The following FRMD4A variants were observed in gnomAD, a reference collection of about 807,000 sequenced individuals.
The protein encoded by FRMD4A is FERM domain-containing protein 4A.
In FRMD4A, 29 loss-of-function variants were observed where a neutral mutation model predicts 129.1. That is an observed-to-expected ratio of 0.22 (90% CI 0.17 to 0.31). The LOEUF (loss-of-function observed/expected upper bound fraction) is 0.31. FRMD4A is among the 10% of genes least tolerant of loss of function. FRMD4A has a pLI of 1.00. For missense variants in FRMD4A, 1,272 were observed against 1,375.8 expected, an observed-to-expected ratio of 0.92 and a Z score of 1.19; for synonymous variants, 634 against 571.6, an observed-to-expected ratio of 1.11 and a Z score of -1.56.
At chr10:13,903,432 A>G (rs1310499102) in intron 2 of FRMD4A, among the ~76,000 whole-genome samples, 2 of 152,144 alleles carry the variant, frequency 1.3e-5, no homozygotes, top group Non-Finnish European at 2.9e-5. Flanking sequence ...TAAACATTCA[A>G]TAGATATTTG....
intron 3 of FRMD4A, among the ~76,000 whole-genome samples, chr10:13,829,998 G>A (rs538476875): frequency 6.6e-6 from 1 of 152,342 alleles, no homozygotes; most frequent in African/African-American, 2.4e-5. Context: ...TCGGATCCTA[G>A]CAGTGACCTC....
chr10:14,068,912 C>T (rs142706489), intron 2 of FRMD4A, among the ~76,000 whole-genome samples: 1 of 150,838 alleles, frequency 6.6e-6, no homozygotes, highest in African/African-American at 2.4e-5. Context: ...CTCTCCCTCC[C>T]TCCCTCTCCC....
chr10:13,914,929 G>A (rs990054776), intron 2 of FRMD4A, among the ~76,000 whole-genome samples: 5 of 152,150 alleles, frequency 3.3e-5, no homozygotes, highest in Non-Finnish European at 7.3e-5. Context: ...CAGGAGTATT[G>A]CGTGAGCCCA....
chr10:13,687,459 T>C (rs977689422), intron 15 of FRMD4A, among the ~76,000 whole-genome samples: 2 of 152,226 alleles, frequency 1.3e-5, no homozygotes, highest in African/African-American at 4.8e-5. Flanking sequence ...TTGTTGTTGT[T>C]ATTCCCTTTT....
chr10:13,736,773 G>A (rs1361175751), intron 12 of FRMD4A, among the ~76,000 whole-genome samples: 1 of 152,164 alleles, frequency 6.6e-6, no homozygotes, highest in African/African-American at 2.4e-5. Context: ...TTTTTAATAT[G>A]TATTTCAGGG....
At chr10:14,186,946 C>T (rs1842163398) in intron 2 of FRMD4A, among the ~76,000 whole-genome samples, 1 of 144,692 alleles carries the variant, frequency 6.9e-6, no homozygotes, top group Non-Finnish European at 1.5e-5. Flanking sequence ...CATACTGAGA[C>T]CTCGTCTCTG....
intron 18 of FRMD4A, among the ~76,000 whole-genome samples, chr10:13,664,441 G>C (rs1221031485): frequency 1.3e-5 from 2 of 152,152 alleles, no homozygotes; most frequent in African/African-American, 2.4e-5. Context: ...AACAGGATGA[G>C]ATAGGGAAAG....
At chr10:14,242,431 C>T (rs763028404) in intron 2 of FRMD4A, among the ~76,000 whole-genome samples, 2 of 152,174 alleles carry the variant, frequency 1.3e-5, no homozygotes, top group South Asian at 2.1e-4. Flanking sequence ...ATTTCTTACA[C>T]GTCGTTGCTA....
chr10:13,850,127 G>A (rs1442820767), intron 3 of FRMD4A, among the ~76,000 whole-genome samples: 3 of 152,068 alleles, frequency 2.0e-5, no homozygotes, highest in Non-Finnish European at 4.4e-5. Flanking sequence ...CTTGAACCCA[G>A]GAGGTGGAGG....
intron 3 of FRMD4A, among the ~76,000 whole-genome samples, chr10:13,811,708 G>A (rs924538567): frequency 2.6e-5 from 4 of 152,142 alleles, no homozygotes; most frequent in African/African-American, 4.8e-5. Flanking sequence ...AGAACACCAG[G>A]CACTGAAGTG....
intron 14 of FRMD4A, among the ~76,000 whole-genome samples, chr10:13,700,814 T>G (rs2086740697): frequency 8.7e-6 from 1 of 114,296 alleles, no homozygotes; most frequent in Non-Finnish European, 1.7e-5. Flanking sequence ...GGAAACAGGG[T>G]AGTTGCTTTT....
In FRMD4A at chr10:13,778,670, G is replaced by A. The variant is rs1393791458; in HGVS notation, c.384+4252C>T. Among the ~76,000 whole-genome samples, 6 of 151,920 alleles carry A rather than the reference G, an allele frequency of 3.9e-5. No homozygotes were observed. In the East Asian group the frequency reaches 1.2e-3, roughly 29 times the overall value. On this transcript the variant is annotated intron_variant, in intron 6 of 24. Transcript: ENST00000357447. ...TGGGTTTTTGCAATCCCTAGGGCCT[G>A]AGTTTAATTACATTTTAAAATCCAG...
chr10:13,791,232 G>A (rs2092992867), intron 5 of FRMD4A, among the ~76,000 whole-genome samples: 1 of 152,148 alleles, frequency 6.6e-6, no homozygotes, highest in African/African-American at 2.4e-5. Flanking sequence ...GGGACCTGAA[G>A]CAAGAGGTAA....
intron 2 of FRMD4A, among the ~76,000 whole-genome samples, chr10:14,046,968 G>C (rs1834016130): frequency 6.6e-6 from 1 of 152,182 alleles, no homozygotes; most frequent in Non-Finnish European, 1.5e-5. Context: ...TTTATCATGT[G>C]TGGAGTTACA....
intron 5 of FRMD4A, among the ~76,000 whole-genome samples, chr10:13,783,964 CT>C (rs1478751222): frequency 6.6e-6 from 1 of 152,102 alleles, no homozygotes; most frequent in Non-Finnish European, 1.5e-5. Context: ...AGATAATGCG[CT>C]TGTACTGTCT....
intron 2 of FRMD4A, among the ~76,000 whole-genome samples, chr10:14,127,980 T>TTTCTC (rs1564319427): frequency 0.01 from 196 of 19,332 alleles, 22 homozygotes; most frequent in Non-Finnish European, 0.012. Context: ...CTTTCTTTCC[T>TTTCTC]TCTCTCTCTC....
intron 2 of FRMD4A, among the ~76,000 whole-genome samples, chr10:14,210,639 G>T (rs1384000040): frequency 6.6e-6 from 1 of 152,182 alleles, no homozygotes; most frequent in Non-Finnish European, 1.5e-5. Flanking sequence ...CAGGGTCCTG[G>T]CCCCTAAGGA....
intron 2 of FRMD4A, among the ~76,000 whole-genome samples, chr10:14,109,437 TA>T (rs1331065148): frequency 6.6e-6 from 1 of 152,160 alleles, no homozygotes; most frequent in Non-Finnish European, 1.5e-5. Context: ...AAATGAGTGT[TA>T]CACGAAAAAG....
chr10:13,779,773 T>C (rs1001421015), intron 6 of FRMD4A, among the ~76,000 whole-genome samples: 34 of 128,970 alleles, frequency 2.6e-4, no homozygotes, highest in African/African-American at 8.7e-4. Context: ...AATAAACTTA[T>C]GCAAAATTCA....
Sources: gnomAD v4.1 joint callset for allele counts (sites outside exome capture counted in the v4.1 genomes callset) on GRCh38, gnomAD v4.1.1 for gene constraint, MANE v1.5 for transcripts, NCBI Gene and HGNC (gene_info 2026-07-23, HGNC 2026-07-21) for gene names.